The following SLC35H1 variants were observed in gnomAD, a reference collection of about 807,000 sequenced individuals.
SLC35H1 encodes the protein ovarian cancer-overexpressed gene 1 protein.
chr20:46,351,443 T>C, the SLC35H1 span, among the ~76,000 whole-genome samples: 279 of 152,308 alleles, frequency 1.8e-3, no homozygotes, highest in African/African-American at 6.1e-3. Context: ...CACTGGTGTG[T>C]GCCTGGCCAA....
At chr20:46,358,668 A>G in the SLC35H1 span, 1 of 1,551,864 alleles carries the variant, frequency 6.4e-7, no homozygotes, top group Non-Finnish European at 8.7e-7. Context: ...AACCATCAGC[A>G]GAGCCCCAGG....
the SLC35H1 span, among the ~76,000 whole-genome samples, chr20:46,354,625 G>A: frequency 1.3e-5 from 2 of 152,230 alleles, no homozygotes; most frequent in African/African-American, 4.8e-5. Context: ...GATGAAATGA[G>A]TTCCTATGTT....
chr20:46,358,745 T>C, the SLC35H1 span: 2 of 1,543,190 alleles, frequency 1.3e-6, no homozygotes, highest in Non-Finnish European at 1.8e-6. Context: ...GATGCAGCGC[T>C]CACAGGTCCC....
At chr20:46,348,678 C>T in the SLC35H1 span, 1 of 152,218 alleles carries the variant, frequency 6.6e-6, no homozygotes, top group Non-Finnish European at 1.5e-5. Context: ...GCTCTGAGGG[C>T]CTCGGGCTAG....
At chr20:46,355,276 G>T in the SLC35H1 span, 1 of 1,577,602 alleles carries the variant, frequency 6.3e-7, no homozygotes, top group Non-Finnish European at 8.6e-7. The surrounding 1 kb of genome is among the most constrained non-coding windows in gnomAD (Gnocchi z 4.8). Context: ...GCTAACTCGG[G>T]GGTCTTGAGG....
the SLC35H1 span, chr20:46,349,933 A>C: frequency 6.6e-6 from 1 of 152,640 alleles, no homozygotes; most frequent in African/African-American, 2.4e-5. Flanking sequence ...CTCCAGCAAC[A>C]CAAGGCGGCC....
the SLC35H1 span, chr20:46,356,598 C>T: frequency 6.2e-7 from 1 of 1,614,154 alleles, no homozygotes; most frequent in Non-Finnish European, 8.5e-7. Flanking sequence ...ATACAGGAAG[C>T]TCCAGTTGGA....
chr20:46,351,988 T>C, the SLC35H1 span: 1 of 1,550,324 alleles, frequency 6.5e-7, no homozygotes, highest in East Asian at 2.3e-5. Flanking sequence ...CTGAAGCTGC[T>C]GGTGAGAAAC....
At chr20:46,358,797 G>C in the SLC35H1 span, 2 of 1,310,472 alleles carry the variant, frequency 1.5e-6, no homozygotes, top group Non-Finnish European at 1.1e-6. Flanking sequence ...TGGAGCCTCA[G>C]GCAGAGACTG....
the SLC35H1 span, chr20:46,355,827 GAGA>G: frequency 1.9e-6 from 3 of 1,614,124 alleles, no homozygotes; most frequent in South Asian, 1.1e-5. The surrounding 1 kb of genome is among the most constrained non-coding windows in gnomAD (Gnocchi z 4.8). Context: ...GAAGATCAGA[GAGA>G]AGATCAAGAT....
the SLC35H1 span, chr20:46,352,221 G>GGGA: frequency 6.2e-7 from 1 of 1,614,090 alleles, no homozygotes; most frequent in East Asian, 2.2e-5. Flanking sequence ...GTGGACAAAT[G>GGGA]GAGACCTGAA....
At chr20:46,356,505 C>T in the SLC35H1 span, 1 of 1,501,708 alleles carries the variant, frequency 6.7e-7, no homozygotes, top group Non-Finnish European at 9.2e-7. Flanking sequence ...GCCGGGTGTG[C>T]AGACACCCCG....
At chr20:46,350,562 G>C in the SLC35H1 span, 1 of 1,553,096 alleles carries the variant, frequency 6.4e-7, no homozygotes, top group Non-Finnish European at 8.7e-7. Context: ...AGGCCCAGTC[G>C]TGGTTTTCTT....
At chr20:46,350,711 A>C in the SLC35H1 span, 1 of 1,602,500 alleles carries the variant, frequency 6.2e-7, no homozygotes, top group South Asian at 1.1e-5. Flanking sequence ...ACTAAGAGTC[A>C]CAGGGAGAAG....
the SLC35H1 span, chr20:46,350,750 C>T: frequency 6.2e-7 from 1 of 1,613,714 alleles, no homozygotes. Flanking sequence ...CTGGAAGGGA[C>T]TCTGGGTTAC....
At chr20:46,350,721 G>A in the SLC35H1 span, 1 of 1,607,472 alleles carries the variant, frequency 6.2e-7, no homozygotes, top group Non-Finnish European at 8.5e-7. Context: ...ACAGGGAGAA[G>A]AACAGAAAAC....
At chr20:46,360,551 A>T in the SLC35H1 span, among the ~76,000 whole-genome samples, 16 of 150,286 alleles carry the variant, frequency 1.1e-4, no homozygotes, top group South Asian at 4.2e-4. Context: ...ATTTTATTTT[A>T]TTTTTTTTTT....
chr20:46,350,921 T>TC, the SLC35H1 span: 1 of 1,612,098 alleles, frequency 6.2e-7, no homozygotes, highest in Non-Finnish European at 8.5e-7. Context: ...GGGAGCATGA[T>TC]CAACAGGCAG....
the SLC35H1 span, among the ~76,000 whole-genome samples, chr20:46,356,238 G>A: frequency 6.6e-6 from 1 of 152,202 alleles, no homozygotes; most frequent in Non-Finnish European, 1.5e-5. Context: ...AGGCCACATA[G>A]GGCTCTGCTG....
Sources: gnomAD v4.1 joint callset for allele counts (sites outside exome capture counted in the v4.1 genomes callset) on GRCh38, gnomAD v4.1.1 for gene constraint, Gnocchi (gnomAD v3.1) non-coding constraint, MANE v1.5 for transcripts, NCBI Gene and HGNC (gene_info 2026-07-23, HGNC 2026-07-21) for gene names.